Variants in KIAA1217 observed in about 807,000 individuals in gnomAD.
KIAA1217 encodes sickle tail protein homolog.
In KIAA1217, 88 loss-of-function variants were observed where a neutral mutation model predicts 163.9. That is an observed-to-expected ratio of 0.54 (90% CI 0.45 to 0.64). The LOEUF is 0.64. Among genes scored for constraint, KIAA1217 ranks in the 30% least tolerant of loss-of-function variants. KIAA1217 has a pLI of 0.00. For synonymous variants in KIAA1217, 903 were observed against 923.1 expected, an observed-to-expected ratio of 0.98 and a Z score of 0.39; for missense variants, 2,372 against 2,475.0, an observed-to-expected ratio of 0.96 and a Z score of 0.88.
chr10:23,982,101 G>T (rs1426383823), intron 1 of KIAA1217, among the ~76,000 whole-genome samples: 1 of 151,774 alleles, frequency 6.6e-6, no homozygotes, highest in Non-Finnish European at 1.5e-5. Context: ...AGGAAATCTT[G>T]TGGTGACTCT....
intron 1 of KIAA1217, among the ~76,000 whole-genome samples, chr10:23,801,472 T>A (rs936278832): frequency 6.6e-6 from 1 of 152,148 alleles, no homozygotes; most frequent in African/African-American, 2.4e-5. Context: ...ACTTCAAGTA[T>A]AATCAAACAA....
chr10:24,230,502 G>GTTTTTTTTTT (rs71397936), intron 2 of KIAA1217, among the ~76,000 whole-genome samples: 16 of 90,606 alleles, frequency 1.8e-4, no homozygotes, highest in Admixed American at 3.3e-4. Flanking sequence ...TATTTGTTTT[G>GTTTTTTTTTT]TTTTTTTTTT....
Position 24,544,215 on chromosome 10 carries a change from A to G in KIAA1217, c.4945A>G (p.Thr1649Ala), listed in dbSNP as rs781079164. 2 of 1,614,122 alleles carry G rather than the reference A, an allele frequency of 1.2e-6. No homozygotes were observed. The highest frequency in any genetic ancestry group is 1.7e-6 in the Non-Finnish European group (2 of 1,180,012). Reference protein sequence around the residue: ...RRQEQPSIESTSPISRTDEIR... With the variant: ...RRQEQPSIESASPISRTDEIR... ...GCAAGAGCAGCCCAGCATCGAGAGT[A>G]CATCTCCGATTTCAAGAACTGATGA... The change falls in exon 19 of 21, where the codon ACA (threonine) becomes GCA (alanine). Residue 1649 changes from threonine (T) to alanine (A), a missense_variant. Physicochemically the swap from Thr to Ala is moderately conservative, Grantham distance 58. Around this residue, in one of 3 missense-constraint regions of KIAA1217, gnomAD observed 690 missense variants for 677.5 expected, o/e 1.02. Transcript: ENST00000376454.
intron 1 of KIAA1217, among the ~76,000 whole-genome samples, chr10:23,840,720 T>C (rs1838732718): frequency 6.6e-6 from 1 of 152,218 alleles, no homozygotes; most frequent in African/African-American, 2.4e-5. Context: ...GATGTGTTTA[T>C]TGTAAGTTAC....
At chr10:24,288,641 G>A (rs545625758) in intron 2 of KIAA1217, among the ~76,000 whole-genome samples, 1 of 152,316 alleles carries the variant, frequency 6.6e-6, no homozygotes, top group Admixed American at 6.5e-5. Context: ...GGGAACAAAA[G>A]GATAAGAGGC....
intron 1 of KIAA1217, among the ~76,000 whole-genome samples, chr10:23,954,320 T>C (rs1429574402): frequency 6.6e-6 from 1 of 152,034 alleles, no homozygotes; most frequent in South Asian, 2.1e-4. Flanking sequence ...ATCTCAGCAC[T>C]TTGGGAAGCC....
intron 2 of KIAA1217, among the ~76,000 whole-genome samples, chr10:24,317,641 TTG>T (rs2043568738): frequency 6.6e-6 from 1 of 152,206 alleles, no homozygotes; most frequent in Admixed American, 6.5e-5. Flanking sequence ...TACATGTATA[TTG>T]GCATGTATGT....
intron 15 of KIAA1217, 152 bp downstream of exon 15, chr10:24,532,145 G>A: frequency 3.3e-6 from 2 of 613,362 alleles, no homozygotes; most frequent in South Asian, 1.3e-4. Flanking sequence ...ATGGAACAAT[G>A]GCAGCCAGTA....
At chr10:24,023,444 A>G (rs1051368235) in intron 2 of KIAA1217, among the ~76,000 whole-genome samples, 1 of 151,638 alleles carries the variant, frequency 6.6e-6, no homozygotes, top group Non-Finnish European at 1.5e-5. Flanking sequence ...TCCTCTTGTA[A>G]GTGGGCTTTT....
intron 2 of KIAA1217, among the ~76,000 whole-genome samples, chr10:24,343,053 T>A (rs1054717527): frequency 1.3e-5 from 2 of 152,226 alleles, no homozygotes; most frequent in African/African-American, 2.4e-5. Context: ...TTTTCTAGTT[T>A]CTGTCTTTCT....
Position 24,192,785 on chromosome 10 carries a change from A to C in KIAA1217, c.-170-26841A>C, listed in dbSNP as rs11013948. 9.7e-3 allele frequency among the ~76,000 whole-genome samples: 1,470 copies of C among 152,178 alleles called. 22 individuals are homozygous for C. Among genetic ancestry groups the C allele is most frequent in the African/African-American group, 0.032 (1,344 of 41,530 alleles). On this transcript the variant is annotated intron_variant, in intron 2 of 18. Transcript: ENST00000376462. Reference sequence around the variant, plus strand: ...AGATTATGTTATTTGGTGTTTCTTTATTTATCTTTTTGAGACAGGATCTCA... The same window carrying C: ...AGATTATGTTATTTGGTGTTTCTTTCTTTATCTTTTTGAGACAGGATCTCA...
intron 2 of KIAA1217, among the ~76,000 whole-genome samples, chr10:24,045,465 C>A (rs1039033475): frequency 1.3e-5 from 2 of 151,902 alleles, no homozygotes; most frequent in South Asian, 4.1e-4. Context: ...TCTTTATGGA[C>A]CTCCTAGGAG....
chr10:23,934,557 GTATATATATATATATATA>G lies in KIAA1217; in HGVS notation c.-320-72652_-320-72635del, dbSNP rs778185120. Among the ~76,000 whole-genome samples the G allele has an allele frequency of 1.1e-4, 5 of 44,344 alleles. 1 individual carries two copies. Among genetic ancestry groups the G allele is most frequent in the East Asian group, 4.7e-4 (1 of 2,108 alleles). The allele number at this position is 44,344 out of a possible 152,430, so 29.1% of individuals were successfully genotyped here. A position where few individuals can be genotyped will look rare whatever the true frequency, so the allele number is the denominator to read the frequency against. On this transcript the variant is annotated intron_variant, in intron 1 of 18. Transcript: ENST00000376462. ...AAAAATATATTAAGTGGTCTTTAAA[GTATATATATATATATATA>G]TATATATATATATATGTATATATAT... is the stretch of plus-strand genomic sequence containing the variant.
intron 3 of KIAA1217, among the ~76,000 whole-genome samples, chr10:24,409,428 G>A (rs1343635289): frequency 6.6e-6 from 1 of 152,134 alleles, no homozygotes; most frequent in African/African-American, 2.4e-5. Flanking sequence ...GTGACAGAAA[G>A]CAGATCAGTA....
chr10:24,129,393 A>C (rs534384381), intron 2 of KIAA1217, among the ~76,000 whole-genome samples: 2 of 152,312 alleles, frequency 1.3e-5, no homozygotes, highest in African/African-American at 4.8e-5. Flanking sequence ...TCTTAGCATT[A>C]ATGTTTGAAA....
intron 2 of KIAA1217, among the ~76,000 whole-genome samples, chr10:24,266,080 CT>C (rs879826505): frequency 0.015 from 2,184 of 141,032 alleles, 17 homozygotes; most frequent in South Asian, 0.071. Context: ...AAAGGCTGAT[CT>C]TTTTTTTTTT....
In KIAA1217 at chr10:23,824,783, G is replaced by C. The variant is rs75562917; in HGVS notation, c.-321+129549G>C. Among the ~76,000 whole-genome samples, 577 of 150,830 alleles carry C rather than the reference G, an allele frequency of 3.8e-3. 15 individuals are homozygous for C. Among genetic ancestry groups the C allele is most frequent in the Admixed American group, 0.027 (411 of 15,098 alleles). On this transcript the variant is annotated intron_variant, in intron 1 of 18. Coordinates refer to the KIAA1217 transcript ENST00000376462. ...GTGAAGGTTAACTGAAGGTCCTGTGGTGTGTAGGGCATTTATCATCTATTG... is the reference window on the plus strand; with the variant it reads ...GTGAAGGTTAACTGAAGGTCCTGTGCTGTGTAGGGCATTTATCATCTATTG...
At position 23,960,549 on chromosome 10, in the gene KIAA1217, G is replaced by A. The variant is rs991576808; in HGVS notation, c.-320-46676G>A. Among the ~76,000 whole-genome samples the A allele has an allele frequency of 4.6e-5, 7 of 152,146 alleles. No homozygotes were observed. In the South Asian group the frequency reaches 6.2e-4, roughly 14 times the overall value. ...TGGGATTACAGGCGTGAGCCACCAC[G>A]CCTGGCTACGTTTTCATTCAACAGA... On this transcript the variant is annotated intron_variant, in intron 1 of 18. Coordinates refer to the KIAA1217 transcript ENST00000376462.
intron 2 of KIAA1217, among the ~76,000 whole-genome samples, chr10:24,199,193 C>T (rs1554903537): frequency 6.6e-6 from 1 of 152,168 alleles, no homozygotes; most frequent in Non-Finnish European, 1.5e-5. Context: ...GATTGCACCA[C>T]TGCACCCCAG....
Sources: gnomAD v4.1 joint callset for allele counts (sites outside exome capture counted in the v4.1 genomes callset) on GRCh38, gnomAD v4.1.1 for gene constraint, gnomAD v4.1.1 regional missense constraint, MANE v1.5 for transcripts, NCBI Gene and HGNC (gene_info 2026-07-23, HGNC 2026-07-21) for gene names.